ABCB5: variants seen among roughly 807,000 people sequenced by gnomAD.
ABCB5 encodes the protein ATP-binding cassette sub-family B member 5.
A neutral mutation model predicts 144.2 loss-of-function variants in ABCB5; 155 were observed. That is an observed-to-expected ratio of 1.08 (90% CI 0.94 to 1.23). The LOEUF is 1.23. Among genes scored for constraint, ABCB5 ranks in the 50% most tolerant of loss-of-function variants. The probability of loss-of-function intolerance (pLI) is 0.00; values close to 1 mark genes in which losing one functional copy is unlikely to be tolerated. For synonymous variants in ABCB5, 610 were observed against 528.6 expected, an observed-to-expected ratio of 1.15 and a Z score of -2.11; for missense variants, 1,830 against 1,520.8, an observed-to-expected ratio of 1.20 and a Z score of -3.38.
intron 14 of ABCB5, among the ~76,000 whole-genome samples, chr7:20,665,667 T>C (rs1785153147): frequency 6.6e-6 from 1 of 151,164 alleles, no homozygotes; most frequent in Admixed American, 6.6e-5. Context: ...TACCCCCAAC[T>C]CCCCTGCCAA....
rs144864002 is a variant in ABCB5 at position 20,663,594 on chromosome 7, C to T, written c.1707+4918C>T. Among the ~76,000 whole-genome samples, 1,322 of 151,134 alleles carry T rather than the reference C, an allele frequency of 8.7e-3. 15 individuals carry two copies. Among genetic ancestry groups the T allele is most frequent in the Middle Eastern group, 0.069 (20 of 288 alleles). ...ACTAGGGGCTTGGGGGATGGGAAAGCGGGGAGTTAGTGTTTAATGGGTATA... is the reference window on the plus strand; with the variant it reads ...ACTAGGGGCTTGGGGGATGGGAAAGTGGGGAGTTAGTGTTTAATGGGTATA... On this transcript the variant is annotated intron_variant, in intron 14 of 27. Coordinates refer to ENST00000404938, the MANE Select transcript of ABCB5 (RefSeq NM_001163941.2).
intron 19 of ABCB5, among the ~76,000 whole-genome samples, chr7:20,700,804 G>C (rs1786594212): frequency 6.6e-6 from 1 of 152,220 alleles, no homozygotes; most frequent in Admixed American, 6.5e-5. Context: ...CTGAAAGCCA[G>C]TAATCATTAG....
In ABCB5 at chr7:20,645,738, G is replaced by C; in HGVS notation, c.679-18G>C. 6.2e-7 allele frequency: 1 copy of C among 1,612,472 alleles called. No individual in the cohort carries two copies. Among genetic ancestry groups the C allele is most frequent in the Non-Finnish European group, 8.5e-7 (1 of 1,179,312 alleles). Reference sequence around the variant, plus strand: ...CTACACAGAGTCATTTTTTAACTGTGGTTGTGGTTTATTACAGATGGTCAT... The same window carrying C: ...CTACACAGAGTCATTTTTTAACTGTCGTTGTGGTTTATTACAGATGGTCAT... On this transcript the variant is annotated intron_variant, in intron 7 of 27. Transcript: ENST00000404938.
intron 26 of ABCB5, among the ~76,000 whole-genome samples, chr7:20,751,393 C>A (rs1219494168): frequency 6.6e-6 from 1 of 152,146 alleles, no homozygotes; most frequent in African/African-American, 2.4e-5. Flanking sequence ...ATGGCGTGAA[C>A]CCGGGAAGCG....
intron 5 of ABCB5, among the ~76,000 whole-genome samples, chr7:20,637,542 T>A (rs1315124859): frequency 1.3e-5 from 2 of 151,788 alleles, no homozygotes; most frequent in Admixed American, 1.3e-4. Context: ...TGCCACAGCC[T>A]CGTGAGTAGC....
chr7:20,635,376 G>T (rs560485142), intron 5 of ABCB5, among the ~76,000 whole-genome samples: 92 of 130,884 alleles, frequency 7.0e-4, no homozygotes, highest in African/African-American at 2.6e-3. Context: ...TAGTTGTTTT[G>T]GTTATAAAGG....
At chr7:20,704,137 G>A (rs1269170029) in intron 19 of ABCB5, among the ~76,000 whole-genome samples, 1 of 123,368 alleles carries the variant, frequency 8.1e-6, no homozygotes, top group Non-Finnish European at 1.6e-5. Flanking sequence ...GTGCAGTGGT[G>A]TAATCTCAGC....
At chr7:20,638,740 T>C (rs1784218932) in intron 5 of ABCB5, among the ~76,000 whole-genome samples, 1 of 152,206 alleles carries the variant, frequency 6.6e-6, no homozygotes, top group African/African-American at 2.4e-5. Flanking sequence ...CTGTATCACA[T>C]TTTGTTTATC....
chr7:20,711,864 T>C (rs13309929), intron 20 of ABCB5, among the ~76,000 whole-genome samples: 469 of 42,230 alleles, frequency 0.011, 54 homozygotes, highest in African/African-American at 0.041. Context: ...TTTCTTTCCT[T>C]CCTCCCTCCC....
chr7:20,637,748 A>G (rs1045401342), intron 5 of ABCB5, among the ~76,000 whole-genome samples: 1 of 152,074 alleles, frequency 6.6e-6, no homozygotes, highest in South Asian at 2.1e-4. Context: ...GTGAACTTCT[A>G]AGCAACTTAA....
chr7:20,721,688 G>C (rs62453383), intron 20 of ABCB5, among the ~76,000 whole-genome samples: 14,581 of 152,166 alleles, frequency 0.096, 949 homozygotes, highest in Non-Finnish European at 0.14. Flanking sequence ...CCAATAGAAA[G>C]AGATAATTTG....
intron 15 of ABCB5, among the ~76,000 whole-genome samples, chr7:20,683,826 G>A (rs968358614): frequency 2.0e-5 from 3 of 152,154 alleles, no homozygotes; most frequent in African/African-American, 7.2e-5. Flanking sequence ...AAGATTGACT[G>A]CGGTATCAAA....
At chr7:20,688,872 A>G (rs1786102099) in intron 16 of ABCB5, among the ~76,000 whole-genome samples, 1 of 152,158 alleles carries the variant, frequency 6.6e-6, no homozygotes, top group Non-Finnish European at 1.5e-5. Flanking sequence ...CAAGGACAGA[A>G]AACCAAACAC....
chr7:20,689,708 G>A (rs2128041058), intron 16 of ABCB5, among the ~76,000 whole-genome samples: 1 of 152,276 alleles, frequency 6.6e-6, no homozygotes, highest in Middle Eastern at 3.4e-3. Context: ...CTTTCCCAGG[G>A]AGCACCAGAA....
intron 21 of ABCB5, among the ~76,000 whole-genome samples, chr7:20,724,920 A>G (rs1028403689): frequency 2.6e-5 from 4 of 152,166 alleles, no homozygotes; most frequent in African/African-American, 9.7e-5. Context: ...AGTCTGAACT[A>G]CCTAGCAAAT....
Position 20,632,077 on chromosome 7 carries a change from C to A in ABCB5, c.278C>A (p.Thr93Asn), listed in dbSNP as rs1784051818. Residue 93 changes from threonine to asparagine, a missense_variant, in exon 5 of 28, where the codon ACT (threonine) becomes AAT (asparagine). Thr to Asn is a moderately conservative substitution (Grantham distance 65). Coordinates refer to ENST00000404938, the MANE Select transcript of ABCB5 (RefSeq NM_001163941.2). ...TTTACAGCAAATTATCAGAACTGTA[C>A]TCAGTCTCAAGAGAAGCTGAATGAA... The part of the protein sequence containing the change: ...QTNTTNYQNC[T>N]QSQEKLNEDM... The A allele has an allele frequency of 6.6e-7, 1 of 1,524,182 alleles. No homozygotes were observed. The highest frequency in any genetic ancestry group is 2.5e-5 in the East Asian group (1 of 40,550). The allele number at this position is 1,524,182 out of a possible 1,614,324, so 94.4% of individuals were successfully genotyped here. A position where few individuals can be genotyped will look rare whatever the true frequency, so the allele number is the denominator to read the frequency against.
At chr7:20,700,630 G>A (rs182471105) in intron 19 of ABCB5, among the ~76,000 whole-genome samples, 12 of 152,300 alleles carry the variant, frequency 7.9e-5, no homozygotes, top group African/African-American at 2.6e-4. Context: ...CTAGCTGCCA[G>A]GTCTGCCTGC....
intron 16 of ABCB5, among the ~76,000 whole-genome samples, chr7:20,687,845 A>C (rs550966841): frequency 6.1e-4 from 93 of 152,172 alleles, no homozygotes; most frequent in Non-Finnish European, 1.2e-3. Context: ...TGATCATGCC[A>C]CTGTACCCCA....
chr7:20,619,015 T>A (rs1783751626), intron 1 of ABCB5, among the ~76,000 whole-genome samples: 1 of 152,014 alleles, frequency 6.6e-6, no homozygotes, highest in Non-Finnish European at 1.5e-5. Flanking sequence ...CCTCAAGTGA[T>A]CCACCTACTT....
Sources: allele counts gnomAD v4.1 joint callset (sites outside exome capture counted in the v4.1 genomes callset), GRCh38; gene constraint gnomAD v4.1.1; transcripts MANE v1.5; gene names NCBI Gene and HGNC (gene_info 2026-07-23, HGNC 2026-07-21).